Variants in KCND2 observed in about 807,000 individuals in gnomAD.
KCND2 encodes the protein A-type voltage-gated potassium channel KCND2.
Under a neutral mutation model 54.4 loss-of-function variants are expected in KCND2, and 16 were observed. That is an observed-to-expected ratio of 0.29 (90% CI 0.20 to 0.45). The LOEUF (loss-of-function observed/expected upper bound fraction) is 0.45. Ranked by LOEUF, KCND2 falls within the 20% of genes least tolerant of loss-of-function variation. The pLI is 1.00. For missense variants in KCND2, 486 were observed against 824.2 expected, an observed-to-expected ratio of 0.59 and a Z score of 5.02; for synonymous variants, 317 against 310.7, an observed-to-expected ratio of 1.02 and a Z score of -0.21.
intron 1 of KCND2, among the ~76,000 whole-genome samples, chr7:120,278,347 TG>T (rs1162281972): frequency 6.6e-6 from 1 of 151,910 alleles, no homozygotes. Flanking sequence ...GCAAACTTTC[TG>T]GGAAATAATA....
intron 1 of KCND2, among the ~76,000 whole-genome samples, chr7:120,550,755 C>T (rs1792096153): frequency 1.3e-5 from 2 of 152,120 alleles, no homozygotes; most frequent in African/African-American, 2.4e-5. Flanking sequence ...TTTGTGGATC[C>T]TATCAGTTTG....
intron 1 of KCND2, among the ~76,000 whole-genome samples, chr7:120,587,836 G>T (rs1271928331): frequency 6.6e-6 from 1 of 152,014 alleles, no homozygotes; most frequent in African/African-American, 2.4e-5. Flanking sequence ...TGTTTCAAAT[G>T]ATAGAAAAAA....
At chr7:120,691,506 G>T (rs1792268541) in intron 1 of KCND2, among the ~76,000 whole-genome samples, 1 of 152,174 alleles carries the variant, frequency 6.6e-6, no homozygotes, top group Non-Finnish European at 1.5e-5. Context: ...GAGGTTTTTG[G>T]ACTGAGCAAC....
chr7:120,320,274 G>A (rs1041054717), intron 1 of KCND2, among the ~76,000 whole-genome samples: 4 of 152,116 alleles, frequency 2.6e-5, no homozygotes, highest in South Asian at 2.1e-4. Context: ...TATCTGCAAA[G>A]GAGAGTTAAG....
intron 1 of KCND2, among the ~76,000 whole-genome samples, chr7:120,514,331 CTG>C (rs933025035): frequency 1.3e-5 from 2 of 151,974 alleles, no homozygotes; most frequent in African/African-American, 4.8e-5. Flanking sequence ...TCTAAAAAAA[CTG>C]TCAAAAATAC....
intron 1 of KCND2, among the ~76,000 whole-genome samples, chr7:120,500,461 C>T (rs2116315945): frequency 6.6e-6 from 1 of 152,244 alleles, no homozygotes; most frequent in Non-Finnish European, 1.5e-5. Flanking sequence ...TATGCCCTCA[C>T]TATTGGGGCA....
intron 1 of KCND2, among the ~76,000 whole-genome samples, chr7:120,368,913 T>C (rs1800724424): frequency 6.6e-6 from 1 of 152,088 alleles, no homozygotes; most frequent in Non-Finnish European, 1.5e-5. Flanking sequence ...CTTAATCAGA[T>C]TTCAGTTATT....
intron 1 of KCND2, among the ~76,000 whole-genome samples, chr7:120,392,870 A>G (rs1477082301): frequency 1.3e-5 from 2 of 151,984 alleles, no homozygotes; most frequent in African/African-American, 2.4e-5. Context: ...TAAGAACACT[A>G]TTATCCCTAA....
intron 1 of KCND2, among the ~76,000 whole-genome samples, chr7:120,297,908 C>T (rs1246442455): frequency 6.6e-6 from 1 of 152,084 alleles, no homozygotes; most frequent in Non-Finnish European, 1.5e-5. Context: ...TTTAGTTTAG[C>T]ACTGTCCAGT....
At chr7:120,672,028 C>T (rs550765703) in intron 1 of KCND2, among the ~76,000 whole-genome samples, 15 of 152,172 alleles carry the variant, frequency 9.9e-5, no homozygotes, top group African/African-American at 3.6e-4. Context: ...CAGTCTTTAT[C>T]TCCTTCAAAG....
intron 1 of KCND2, among the ~76,000 whole-genome samples, chr7:120,309,470 TATATACACACAC>T (rs1274923838): frequency 8.0e-6 from 1 of 124,260 alleles, no homozygotes; most frequent in African/African-American, 3.0e-5. Flanking sequence ...TATATATATA[TATATACACACAC>T]ACACACACAC....
chr7:120,559,247 C>T (rs1356458056), intron 1 of KCND2, among the ~76,000 whole-genome samples: 1 of 152,154 alleles, frequency 6.6e-6, no homozygotes, highest in Non-Finnish European at 1.5e-5. Flanking sequence ...TTTCAAATGA[C>T]TTTCATGGTG....
chr7:120,571,352 A>G (rs1792363450), intron 1 of KCND2, among the ~76,000 whole-genome samples: 1 of 152,316 alleles, frequency 6.6e-6, no homozygotes, highest in East Asian at 1.9e-4. Flanking sequence ...AAATCCAAAA[A>G]TTGTTATGGA....
At chr7:120,568,004 A>T (rs984239152) in intron 1 of KCND2, among the ~76,000 whole-genome samples, 10 of 152,064 alleles carry the variant, frequency 6.6e-5, no homozygotes, top group African/African-American at 2.2e-4. Context: ...GCACTTCCTT[A>T]TGTGTGTTTT....
At chr7:120,532,366 C>T (rs1006106338) in intron 1 of KCND2, among the ~76,000 whole-genome samples, 5 of 151,744 alleles carry the variant, frequency 3.3e-5, no homozygotes, top group Non-Finnish European at 7.4e-5. Flanking sequence ...ATTTTTACTG[C>T]ATATTTTAAA....
At chr7:120,710,901 C>T (rs952143324) in intron 1 of KCND2, among the ~76,000 whole-genome samples, 7 of 152,060 alleles carry the variant, frequency 4.6e-5, no homozygotes, top group Non-Finnish European at 1.0e-4. Flanking sequence ...CAAACTAGAA[C>T]TATTATATCT....
chr7:120,678,723 T>A (rs1160225183), intron 1 of KCND2, among the ~76,000 whole-genome samples: 2 of 132,940 alleles, frequency 1.5e-5, no homozygotes, highest in African/African-American at 5.2e-5. Context: ...CTATATATAA[T>A]GTGGGTGTGT....
intron 1 of KCND2, among the ~76,000 whole-genome samples, chr7:120,291,702 C>G (rs572790325): frequency 3.8e-4 from 57 of 151,972 alleles, no homozygotes; most frequent in African/African-American, 1.2e-3. Context: ...AATCCTGACT[C>G]TTCACATTGG....
chr7:120,580,707 T>C (rs945429740), intron 1 of KCND2, among the ~76,000 whole-genome samples: 2 of 152,240 alleles, frequency 1.3e-5, no homozygotes, highest in African/African-American at 4.8e-5. Flanking sequence ...TTTTTTATGC[T>C]TGACAAGCTA....
Sources: gnomAD v4.1 joint callset for allele counts (sites outside exome capture counted in the v4.1 genomes callset) on GRCh38, gnomAD v4.1.1 for gene constraint, MANE v1.5 for transcripts, NCBI Gene and HGNC (gene_info 2026-07-23, HGNC 2026-07-21) for gene names.